Variants in CRYBG1 observed in about 807,000 individuals in gnomAD.
CRYBG1 encodes the protein beta/gamma crystallin domain-containing protein 1.
A neutral mutation model predicts 189.2 loss-of-function variants in CRYBG1; 139 were observed. That is an observed-to-expected ratio of 0.73 (90% CI 0.64 to 0.85). The LOEUF (loss-of-function observed/expected upper bound fraction) is 0.85, where lower values mean the gene tolerates loss of function less well. CRYBG1 is among the 40% of genes least tolerant of loss of function. The probability of loss-of-function intolerance (pLI) is 0.00; values close to 1 mark genes in which losing one functional copy is unlikely to be tolerated. For synonymous variants in CRYBG1, 1,023 were observed against 1,017.1 expected, an observed-to-expected ratio of 1.01 and a Z score of -0.11; for missense variants, 2,611 against 2,675.8, an observed-to-expected ratio of 0.98 and a Z score of 0.53.
intron 2 of CRYBG1, among the ~76,000 whole-genome samples, chr6:106,469,172 G>T (rs1184541751): frequency 2.6e-5 from 4 of 152,144 alleles, no homozygotes; most frequent in African/African-American, 7.2e-5. Context: ...TTAGGAATGT[G>T]GTATTACCTA....
At chr6:106,425,588 T>C (rs886595501) in intron 1 of CRYBG1, among the ~76,000 whole-genome samples, 33 of 152,300 alleles carry the variant, frequency 2.2e-4, no homozygotes, top group African/African-American at 7.9e-4. Flanking sequence ...TAACGCAATG[T>C]GACTGGAGAA....
intron 1 of CRYBG1, among the ~76,000 whole-genome samples, chr6:106,408,974 G>A (rs1353215431): frequency 6.6e-6 from 1 of 152,208 alleles, no homozygotes; most frequent in Non-Finnish European, 1.5e-5. Context: ...AGACAGGGAT[G>A]CCCTCTGCCA....
At chr6:106,544,743 T>A in intron 12 of CRYBG1, 45 bp from the exon 13 acceptor site, 1 of 1,607,264 alleles carries the variant, frequency 6.2e-7, no homozygotes, top group South Asian at 1.1e-5. Context: ...CTTCTTTGGA[T>A]AATAAATGGC....
chr6:106,468,811 A>G (rs371060505), intron 2 of CRYBG1, among the ~76,000 whole-genome samples: 1 of 152,256 alleles, frequency 6.6e-6, no homozygotes, highest in East Asian at 1.9e-4. Context: ...ATATGCAAGT[A>G]GTGATTCCAG....
At chr6:106,431,201 A>G (rs2114404030) in intron 1 of CRYBG1, among the ~76,000 whole-genome samples, 1 of 152,232 alleles carries the variant, frequency 6.6e-6, no homozygotes, top group Admixed American at 6.5e-5. Flanking sequence ...CAGCCTCCTA[A>G]AAATGAATTC....
chr6:106,533,514 G>A (rs1429405548), intron 8 of CRYBG1, among the ~76,000 whole-genome samples: 1 of 152,176 alleles, frequency 6.6e-6, no homozygotes, highest in Non-Finnish European at 1.5e-5. Context: ...AGGCAAAGGT[G>A]GAAGCCAAGA....
rs780462057 is a variant in CRYBG1, at chr6:106,512,701, G to T, written c.1584G>T (p.Pro528=). 25 of 1,544,992 alleles carry T rather than the reference G, an allele frequency of 1.6e-5. No homozygotes were observed. Among genetic ancestry groups the T allele is most frequent in the Middle Eastern group, 1.7e-4 (1 of 5,760 alleles). ...GTGCCCTCGAGGCCGTGCCCGCCCC[G>T]CCCGCCAGCGGCCCCCGGGCTCCCG... is the stretch of plus-strand genomic sequence containing the variant. The part of the protein sequence containing the change: ...RSRALEAVPA[P]PASGPRAPAK... The change falls in exon 3 of 22, where the codon CCG becomes CCT. Residue 528 remains proline, a synonymous_variant. Transcript: ENST00000633556.
intron 13 of CRYBG1, among the ~76,000 whole-genome samples, chr6:106,551,282 G>C (rs1774398440): frequency 6.6e-6 from 1 of 152,100 alleles, no homozygotes; most frequent in African/African-American, 2.4e-5. Context: ...TTTTCTGTTT[G>C]TGTTAATTCG....
intron 1 of CRYBG1, among the ~76,000 whole-genome samples, chr6:106,402,838 A>G (rs1770747025): frequency 6.6e-6 from 1 of 151,982 alleles, no homozygotes; most frequent in Non-Finnish European, 1.5e-5. Flanking sequence ...AGTGTGCAGG[A>G]TGAGTGAGGG....
At chr6:106,430,235 A>C (rs571278213) in intron 1 of CRYBG1, among the ~76,000 whole-genome samples, 48 of 152,250 alleles carry the variant, frequency 3.2e-4, no homozygotes, top group African/African-American at 1.2e-3. Context: ...GTTTGAAACC[A>C]GCCTAGGCAA....
chr6:106,403,002 C>T (rs550232293), intron 1 of CRYBG1, among the ~76,000 whole-genome samples: 35 of 152,294 alleles, frequency 2.3e-4, no homozygotes, highest in Non-Finnish European at 7.3e-5. Flanking sequence ...CATTAACGCA[C>T]AGCAGCTTCT....
intron 2 of CRYBG1, among the ~76,000 whole-genome samples, chr6:106,490,851 G>A (rs1582792644): frequency 6.6e-6 from 1 of 151,964 alleles, no homozygotes; most frequent in African/African-American, 2.4e-5. Context: ...CTGTGAAAAG[G>A]CCTGTTGCTC....
intron 1 of CRYBG1, among the ~76,000 whole-genome samples, chr6:106,385,451 A>G (rs1351540438): frequency 1.3e-5 from 2 of 152,232 alleles, no homozygotes; most frequent in African/African-American, 4.8e-5. Context: ...CCAGAAAGCC[A>G]TCCAGTCATG....
intron 2 of CRYBG1, among the ~76,000 whole-genome samples, chr6:106,483,402 A>ATATATATGTGTATATATATATAT (rs1361096436): frequency 1.1e-5 from 1 of 88,308 alleles, no homozygotes; most frequent in African/African-American, 3.1e-5. Flanking sequence ...ATATATATAT[A>ATATATATGTGTATATATATATAT]AAACATTTTC....
intron 1 of CRYBG1, among the ~76,000 whole-genome samples, chr6:106,389,253 A>G (rs17066937): frequency 2.6e-5 from 4 of 151,964 alleles, no homozygotes; most frequent in African/African-American, 9.7e-5. Flanking sequence ...ACTTACTTGT[A>G]TTTATTCTTT....
chr6:106,392,850 C>T (rs1056763777), intron 1 of CRYBG1, among the ~76,000 whole-genome samples: 24 of 152,114 alleles, frequency 1.6e-4, no homozygotes, highest in African/African-American at 5.8e-4. Context: ...TCTCAGCTCA[C>T]TGCAACCTCC....
intron 1 of CRYBG1, among the ~76,000 whole-genome samples, chr6:106,444,585 C>T (rs1370074524): frequency 6.6e-6 from 1 of 152,100 alleles, no homozygotes; most frequent in East Asian, 1.9e-4. Context: ...TGGTTCTGGG[C>T]GAGTTTCATG....
intron 2 of CRYBG1, among the ~76,000 whole-genome samples, chr6:106,500,881 A>T (rs1772993536): frequency 6.6e-6 from 1 of 152,238 alleles, no homozygotes; most frequent in South Asian, 2.1e-4. Flanking sequence ...ATAAGGCTAG[A>T]GACAGGCCTT....
At chr6:106,560,768 A>C in intron 18 of CRYBG1, 35 bp from the exon 19 acceptor site, 1 of 1,586,120 alleles carries the variant, frequency 6.3e-7, no homozygotes. Flanking sequence ...TGTCAAATGA[A>C]AATTGCCACT....
Sources: allele counts gnomAD v4.1 joint callset (sites outside exome capture counted in the v4.1 genomes callset), GRCh38; gene constraint gnomAD v4.1.1; transcripts MANE v1.5; gene names NCBI Gene and HGNC (gene_info 2026-07-23, HGNC 2026-07-21).